Variants in DUSP15 observed in about 807,000 individuals in gnomAD.
DUSP15 encodes dual specificity protein phosphatase 15.
DUSP15 carries 23 observed loss-of-function variants against 26.3 expected under a neutral mutation model. That is an observed-to-expected ratio of 0.87 (90% CI 0.63 to 1.24). The LOEUF is 1.24. Among genes scored for constraint, DUSP15 ranks in the 50% most tolerant of loss-of-function variants. The pLI, the probability that DUSP15 is intolerant of heterozygous loss-of-function variation, is 0.00. For synonymous variants in DUSP15, 143 were observed against 135.5 expected, an observed-to-expected ratio of 1.06 and a Z score of -0.39; for missense variants, 364 against 320.6, an observed-to-expected ratio of 1.14 and a Z score of -1.03.
At chr20:31,862,784 A>G (rs780034108) in intron 5 of DUSP15, 42 bp from the exon 6 acceptor site, 15 of 1,541,976 alleles carry the variant, frequency 9.7e-6, no homozygotes, top group Admixed American at 9.1e-5. Context: ...GTAAGATCCA[A>G]TGTCCTCCAT....
chr20:31,861,279 A>C lies in DUSP15; in HGVS notation c.*124T>G. The C allele has an allele frequency of 7.3e-7, 1 of 1,362,594 alleles. No individual in the cohort carries two copies. Among genetic ancestry groups the C allele is most frequent in the Non-Finnish European group, 9.4e-7 (1 of 1,064,236 alleles). The allele number at this position is 1,362,594 out of a possible 1,614,324, so 84.4% of individuals were successfully genotyped here. ...CGCGGACGAGCAGGGCGGGCGCGGGAGGCAGGGTTCAGGCCGCCGCGGGGC... is the reference window on the plus strand; with the variant it reads ...CGCGGACGAGCAGGGCGGGCGCGGGCGGCAGGGTTCAGGCCGCCGCGGGGC... On this transcript the variant is annotated 3_prime_UTR_variant, in exon 7 of 7. Transcript: ENST00000339738.
chr20:31,858,769 G>T (rs4911534), downstream of DUSP15, among the ~76,000 whole-genome samples: 1 of 152,078 alleles, frequency 6.6e-6, no homozygotes, highest in East Asian at 1.9e-4. This position sits in a 1 kb window ranked among gnomAD's most constrained non-coding sequence, Gnocchi z 4.4. Context: ...GAAAGGCACA[G>T]GGATTCTCAA....
chr20:31,861,244 T>G lies in DUSP15; in HGVS notation c.*159A>C. 7.3e-7 allele frequency: 1 copy of G among 1,361,004 alleles called. No homozygotes were observed. Among genetic ancestry groups the G allele is most frequent in the South Asian group, 1.7e-5 (1 of 57,314 alleles). 84.3% of individuals were successfully genotyped at this position (1,361,004 alleles called of 1,614,324 possible). A position where few individuals can be genotyped will look rare whatever the true frequency, so the allele number is the denominator to read the frequency against. ...ACAGAGACGCACAGGTTGGGGACGC[T>G]GACTGCAGACGCGGACGAGCAGGGC... On this transcript the variant is annotated 3_prime_UTR_variant, in exon 7 of 7. Transcript: ENST00000339738.
chr20:31,862,810 A>T, intron 5 of DUSP15, 68 bp from the exon 6 acceptor site: 1 of 1,451,786 alleles, frequency 6.9e-7, no homozygotes, highest in Non-Finnish European at 9.2e-7. Flanking sequence ...CAGGCACCCC[A>T]CCCTGCTTCA....
At chr20:31,848,303 C>T (rs1480440947) in exon 10 of DUSP15, 2 of 1,350,954 alleles carry the variant, frequency 1.5e-6, no homozygotes, top group African/African-American at 3.0e-5. Flanking sequence ...CCTCTGCCGT[C>T]CGGCAGACCT....
chr20:31,864,466 G>C, intron 4 of DUSP15: 1 of 1,038,196 alleles, frequency 9.6e-7, no homozygotes, highest in Non-Finnish European at 1.2e-6. Flanking sequence ...CGTTTTCTGA[G>C]CTCAGTTATA....
intron 5 of DUSP15, among the ~76,000 whole-genome samples, chr20:31,863,308 G>T (rs967766055): frequency 1.3e-5 from 2 of 152,170 alleles, no homozygotes; most frequent in African/African-American, 4.8e-5. Flanking sequence ...CATAAGCCTC[G>T]TAGATTTGGA....
intron 8 of DUSP15, chr20:31,849,524 TC>T: frequency 1.2e-6 from 1 of 835,614 alleles, no homozygotes; most frequent in Admixed American, 1.7e-5. Flanking sequence ...GTTCCACTCC[TC>T]CAGCCGTCCT....
intron 3 of DUSP15, among the ~76,000 whole-genome samples, chr20:31,866,574 C>A (rs1477041871): frequency 6.6e-6 from 1 of 152,214 alleles, no homozygotes; most frequent in African/African-American, 2.4e-5. Flanking sequence ...GCACCAACCG[C>A]CCTAGAGGGG....
chr20:31,848,608 C>T (rs1002307514), intron 9 of DUSP15: 1 of 1,513,468 alleles, frequency 6.6e-7, no homozygotes, highest in African/African-American at 1.4e-5. Context: ...TCTCCATTTC[C>T]CGCCTCGGAT....
downstream of DUSP15, among the ~76,000 whole-genome samples, chr20:31,846,938 A>G (rs2062383709): frequency 6.6e-6 from 1 of 152,140 alleles, no homozygotes; most frequent in African/African-American, 2.4e-5. Flanking sequence ...TGGAGTAGGG[A>G]TATGAACATG....
rs748014717 is a variant in DUSP15, at chr20:31,861,648, C to G, written c.463G>C (p.Gly155Arg). 2.1e-5 allele frequency: 30 copies of G among 1,457,958 alleles called. No homozygotes were observed. Among genetic ancestry groups the G allele is most frequent in the East Asian group, 3.0e-5 (1 of 33,120 alleles). 90.3% of individuals were successfully genotyped at this position (1,457,958 alleles called of 1,614,324 possible). The change falls in exon 7 of 7, where the codon GGC becomes CGC. Residue 155 changes from glycine (G) to arginine (R), a missense_variant. Physicochemically the swap from Gly to Arg is moderately radical, Grantham distance 125. Coordinates refer to ENST00000339738, the MANE Select transcript of DUSP15 (RefSeq NM_080611.5). ...KLRRQLEERF[G>R]ESPFRDEEEL... is the part of the protein sequence containing the mutation. ...TCCTCGTCGCGGAAGGGGCTCTCGC[C>G]GAAGCGCTCCTCCAGCTGCCGGCGA...
At chr20:31,848,423 G>A (rs764346126) in exon 10 of DUSP15, 52 of 1,611,720 alleles carry the variant, frequency 3.2e-5, no homozygotes, top group Non-Finnish European at 4.3e-5. Flanking sequence ...ACAAGAAGAG[G>A]AAGCGGCTCG....
chr20:31,863,698 A>T (rs1380417003), intron 5 of DUSP15: 5 of 562,264 alleles, frequency 8.9e-6, no homozygotes, highest in Non-Finnish European at 1.3e-5. Context: ...AGTCTCAGAG[A>T]GAAACAGCTA....
intron 9 of DUSP15, chr20:31,848,681 G>T (rs2062408063): frequency 6.8e-7 from 1 of 1,462,606 alleles, no homozygotes; most frequent in East Asian, 2.5e-5. Context: ...TCCAGGTAGG[G>T]TCCTACAGAC....
In DUSP15 at chr20:31,867,847, G is replaced by A. The variant is rs1340780804; in HGVS notation, c.56-694C>T. Among the ~76,000 whole-genome samples the A allele has an allele frequency of 6.6e-5, 10 of 151,998 alleles. No homozygotes were observed. The East Asian group carries it at 1.4e-3, about 21-fold the overall frequency. Reference sequence around the variant, plus strand: ...TTTTTAGTAGAGACGGGGTTTCACCGTGTTAGCCAGGATGGTCTCGATCTC... The same window carrying A: ...TTTTTAGTAGAGACGGGGTTTCACCATGTTAGCCAGGATGGTCTCGATCTC... On this transcript the variant is annotated intron_variant, in intron 2 of 6. Coordinates refer to ENST00000339738, the MANE Select transcript of DUSP15 (RefSeq NM_080611.5).
downstream of DUSP15, among the ~76,000 whole-genome samples, chr20:31,859,303 G>C (rs1364610502): frequency 1.3e-5 from 2 of 150,114 alleles, no homozygotes; most frequent in East Asian, 3.9e-4. Flanking sequence ...TTTTTTTGGG[G>C]GGGGGGGATT....
chr20:31,852,807 G>A (rs1025825094), intron 6 of DUSP15, among the ~76,000 whole-genome samples: 1 of 152,068 alleles, frequency 6.6e-6, no homozygotes, highest in Admixed American at 6.6e-5. Flanking sequence ...GCGAAACTCC[G>A]TCTCAAAAGA....
At position 31,870,248 on chromosome 20, in the gene DUSP15, A is replaced by G; in HGVS notation, c.21+69T>C. 1 of 1,225,168 alleles carries G rather than the reference A, an allele frequency of 8.2e-7. No homozygotes were observed. The highest frequency in any genetic ancestry group is 1.0e-6 in the Non-Finnish European group (1 of 983,854). 75.9% of individuals were successfully genotyped at this position (1,225,168 alleles called of 1,614,324 possible). A position where few individuals can be genotyped will look rare whatever the true frequency, so the allele number is the denominator to read the frequency against. On this transcript the variant is annotated intron_variant, in intron 1 of 6. Transcript: ENST00000339738. The surrounding 1 kb of genome is among the most constrained non-coding windows in gnomAD (Gnocchi z 6.6). ...CAGAAGGTCAGAGGCGGGCGGACCGAGCTGGTCAGCGCCGGGCCGCGGCGG... is the reference window on the plus strand; with the variant it reads ...CAGAAGGTCAGAGGCGGGCGGACCGGGCTGGTCAGCGCCGGGCCGCGGCGG...
Sources: allele counts gnomAD v4.1 joint callset (sites outside exome capture counted in the v4.1 genomes callset), GRCh38; gene constraint gnomAD v4.1.1; non-coding constraint Gnocchi (gnomAD v3.1); transcripts MANE v1.5; gene names NCBI Gene and HGNC (gene_info 2026-07-23, HGNC 2026-07-21).